The following FMN1 variants were observed in gnomAD, a reference collection of about 807,000 sequenced individuals.
FMN1 encodes the protein formin 1, also known as formin-1.
In FMN1, 110 loss-of-function variants were observed where a neutral mutation model predicts 132.4. That is an observed-to-expected ratio of 0.83 (90% CI 0.71 to 0.97). The LOEUF is 0.97. Ranked by LOEUF, FMN1 falls within the 50% of genes least tolerant of loss-of-function variation. The pLI, the probability that FMN1 is intolerant of heterozygous loss-of-function variation, is 0.00. For missense variants in FMN1, 1,792 were observed against 1,705.3 expected, an observed-to-expected ratio of 1.05 and a Z score of -0.90; for synonymous variants, 722 against 651.7, an observed-to-expected ratio of 1.11 and a Z score of -1.64.
intron 9 of FMN1, among the ~76,000 whole-genome samples, chr15:32,944,885 G>C (rs1339513615): frequency 6.6e-6 from 1 of 152,086 alleles, no homozygotes; most frequent in Non-Finnish European, 1.5e-5. Flanking sequence ...ATTGATCATG[G>C]AGTCTTGCGG....
At chr15:33,042,345 T>C (rs962885076) in intron 6 of FMN1, among the ~76,000 whole-genome samples, 3 of 152,098 alleles carry the variant, frequency 2.0e-5, no homozygotes, top group African/African-American at 7.2e-5. Context: ...AGAATTCCAG[T>C]AAAAATTACA....
At position 32,780,164 on chromosome 15, in the gene FMN1, C is replaced by G. The variant is rs188946473; in HGVS notation, c.4131-3245G>C. On this transcript the variant is annotated intron_variant, in intron 19 of 20. Transcript: ENST00000616417. ...AGTATCAGAAGCATGTGAACCAGAGCAACTCCATCTTCAATAGAAGCTGGG... is the reference window on the plus strand; with the variant it reads ...AGTATCAGAAGCATGTGAACCAGAGGAACTCCATCTTCAATAGAAGCTGGG... 3.9e-5 allele frequency among the ~76,000 whole-genome samples: 6 copies of G among 152,294 alleles called. No individual in the cohort carries two copies. The East Asian group carries it at 1.2e-3, about 29-fold the overall frequency.
chr15:32,950,077 A>G (rs2061617511), intron 9 of FMN1, among the ~76,000 whole-genome samples: 1 of 118,654 alleles, frequency 8.4e-6, no homozygotes, highest in Non-Finnish European at 1.7e-5. Context: ...ATATATATAT[A>G]TATTAAAAAG....
intron 6 of FMN1, among the ~76,000 whole-genome samples, chr15:33,055,623 C>CA (rs930464527): frequency 6.7e-6 from 1 of 148,900 alleles, no homozygotes; most frequent in Non-Finnish European, 1.5e-5. Context: ...AAAAAACAAA[C>CA]AAAAAAATCA....
chr15:32,809,191 T>A (rs867853484), intron 17 of FMN1, among the ~76,000 whole-genome samples: 3 of 152,224 alleles, frequency 2.0e-5, no homozygotes, highest in Admixed American at 6.5e-5. Context: ...CCTGATTAAC[T>A]GGATCACTTC....
chr15:32,900,602 A>G (rs2141594783), intron 13 of FMN1, among the ~76,000 whole-genome samples: 1 of 152,358 alleles, frequency 6.6e-6, no homozygotes, highest in African/African-American at 2.4e-5. Context: ...ATCCCCGGAT[A>G]TAATTTTCAG....
chr15:32,868,288 G>C (rs1252974911), intron 16 of FMN1, among the ~76,000 whole-genome samples: 1 of 152,148 alleles, frequency 6.6e-6, no homozygotes, highest in African/African-American at 2.4e-5. Context: ...GTATTCAGCA[G>C]AATACTGAAT....
At chr15:33,174,191 C>CAAAGA (rs913213765) in intron 3 of FMN1, among the ~76,000 whole-genome samples, 6 of 151,814 alleles carry the variant, frequency 4.0e-5, no homozygotes, top group Admixed American at 6.6e-5. Context: ...TTTCTTTTCC[C>CAAAGA]AAAGAAAAGA....
intron 17 of FMN1, among the ~76,000 whole-genome samples, chr15:32,817,043 T>A (rs1392049051): frequency 2.0e-5 from 3 of 152,248 alleles, no homozygotes; most frequent in African/African-American, 7.2e-5. Context: ...GAAGCCATAC[T>A]TATACATGAT....
intron 7 of FMN1, chr15:32,970,890 G>C (rs979279831): frequency 6.6e-6 from 1 of 152,148 alleles, no homozygotes; most frequent in Non-Finnish European, 1.5e-5. Flanking sequence ...ATAGTCAGGA[G>C]AACTGAAAGG....
At chr15:32,864,521 GA>G (rs1009393239) in intron 16 of FMN1, among the ~76,000 whole-genome samples, 9 of 152,164 alleles carry the variant, frequency 5.9e-5, no homozygotes, top group Admixed American at 5.2e-4. Flanking sequence ...TTGGTTTGGG[GA>G]TTCACCTGAC....
At chr15:32,900,393 T>C (rs2060266518) in intron 13 of FMN1, 11 of 585,976 alleles carry the variant, frequency 1.9e-5, no homozygotes, top group Non-Finnish European at 3.4e-5. Flanking sequence ...TATATTTTCA[T>C]TTGAGCCAGT....
chr15:32,857,015 C>T lies in FMN1; in HGVS notation c.3928G>A (p.Ala1310Thr). Residue 1310 changes from alanine (A) to threonine (T), a missense_variant and splice_region_variant, in exon 17 of 21, where the codon GCC (alanine) becomes ACC (threonine). Physicochemically the swap from Ala to Thr is moderately conservative, Grantham distance 58. Coordinates refer to ENST00000616417, the MANE Select transcript of FMN1 (RefSeq NM_001277313.2). ...KDKLEEFFQK[A>T]KKEHKMEESH... ...ATGTGCGGCTGACAAAGCTTCCTACCTTTTTGGAAGAACTCCTCTAGTTTG... is the reference window on the plus strand; with the variant it reads ...ATGTGCGGCTGACAAAGCTTCCTACTTTTTTGGAAGAACTCCTCTAGTTTG... 6.2e-7 allele frequency: 1 copy of T among 1,609,364 alleles called. No individual in the cohort carries two copies. Among genetic ancestry groups the T allele is most frequent in the Non-Finnish European group, 8.5e-7 (1 of 1,175,778 alleles).
intron 6 of FMN1, 146 bp from the exon 7 acceptor site, chr15:33,008,221 G>T (rs565031003): frequency 3.0e-6 from 2 of 672,826 alleles, no homozygotes; most frequent in East Asian, 5.5e-5. Context: ...ATTACAGAAA[G>T]ATAGGACAAG....
intron 4 of FMN1, among the ~76,000 whole-genome samples, chr15:33,126,413 T>C (rs756439262): frequency 9.2e-5 from 14 of 152,052 alleles, no homozygotes; most frequent in South Asian, 6.2e-4. Context: ...GCCCAGAGCT[T>C]CTGGAGGGTG....
At chr15:33,068,014 G>A (rs944775427) in intron 5 of FMN1, 23 of 1,449,156 alleles carry the variant, frequency 1.6e-5, no homozygotes, top group Admixed American at 5.6e-5. Flanking sequence ...GCTGTCAGCC[G>A]CACAGCAAAC....
chr15:33,085,956 AAGAG>A (rs770071052), intron 5 of FMN1, among the ~76,000 whole-genome samples: 1 of 152,164 alleles, frequency 6.6e-6, no homozygotes, highest in Non-Finnish European at 1.5e-5. Context: ...AATTGTTTGA[AAGAG>A]AGAGGAGGAG....
In FMN1 at chr15:32,898,818, TAATA is replaced by T; in HGVS notation, c.3714+12_3714+15del. ...GAGTAAGAGGTGAAACTTTTCCACG[TAATA>T]CCATTTCTTACCTGATCATAGTAAC... is the stretch of plus-strand genomic sequence containing the variant. On this transcript the variant is annotated intron_variant, in intron 15 of 20. Coordinates refer to ENST00000616417, the MANE Select transcript of FMN1 (RefSeq NM_001277313.2). 1 of 1,553,090 alleles carries T rather than the reference TAATA, an allele frequency of 6.4e-7. No homozygotes were observed. The highest frequency in any genetic ancestry group is 8.9e-7 in the Non-Finnish European group (1 of 1,127,710).
At chr15:32,910,944 A>C (rs779778667) in intron 10 of FMN1, among the ~76,000 whole-genome samples, 12 of 152,248 alleles carry the variant, frequency 7.9e-5, no homozygotes, top group Non-Finnish European at 1.8e-4. Context: ...GAAAGAGAGA[A>C]AAAAGACAAT....
Sources: gnomAD v4.1 joint callset for allele counts (sites outside exome capture counted in the v4.1 genomes callset) on GRCh38, gnomAD v4.1.1 for gene constraint, MANE v1.5 for transcripts, NCBI Gene and HGNC (gene_info 2026-07-23, HGNC 2026-07-21) for gene names.